PALM2AKAP2: variants seen among roughly 807,000 people sequenced by gnomAD.
PALM2AKAP2 encodes the protein PALM2 and AKAP2 fusion.
In PALM2AKAP2, 37 loss-of-function variants were observed where a neutral mutation model predicts 71.5. That is an observed-to-expected ratio of 0.52 (90% CI 0.40 to 0.68). PALM2AKAP2 has a LOEUF of 0.68. Among genes scored for constraint, PALM2AKAP2 ranks in the 30% least tolerant of loss-of-function variants. The probability of loss-of-function intolerance (pLI) is 0.00; values close to 1 mark genes in which losing one functional copy is unlikely to be tolerated. For synonymous variants in PALM2AKAP2, 468 were observed against 478.8 expected (o/e 0.98, Z 0.29); for missense variants, 1,224 against 1,191.8 (o/e 1.03, Z -0.40).
intron 1 of PALM2AKAP2, among the ~76,000 whole-genome samples, chr9:109,763,845 G>A (rs1407188058): frequency 6.6e-6 from 1 of 152,150 alleles, no homozygotes; most frequent in Non-Finnish European, 1.5e-5. Flanking sequence ...CTGTCTCCAT[G>A]TGGCCTTCCC....
At chr9:109,807,417 C>T (rs1037534307) in intron 1 of PALM2AKAP2, among the ~76,000 whole-genome samples, 7 of 152,110 alleles carry the variant, frequency 4.6e-5, no homozygotes, top group Non-Finnish European at 7.4e-5. Context: ...ACTTATTTCT[C>T]ATAGTTTTGG....
chr9:109,985,630 A>G (rs922308240), intron 6 of PALM2AKAP2, among the ~76,000 whole-genome samples: 1 of 150,736 alleles, frequency 6.6e-6, no homozygotes, highest in African/African-American at 2.4e-5. Context: ...AAAAAAAAAA[A>G]AAACTGTCTT....
intron 7 of PALM2AKAP2, among the ~76,000 whole-genome samples, chr9:110,035,812 CAT>C (rs367943570): frequency 8.4e-5 from 11 of 131,092 alleles, no homozygotes; most frequent in South Asian, 5.2e-4. Context: ...TTATATGTAA[CAT>C]ATATATGATA....
chr9:110,135,599 TCAA>T (rs1835845596), intron 1 of PALM2AKAP2, among the ~76,000 whole-genome samples: 1 of 152,286 alleles, frequency 6.6e-6, no homozygotes, highest in Non-Finnish European at 1.5e-5. Context: ...AGGCACATGG[TCAA>T]TTACAGCCAT....
At chr9:109,665,977 G>T (rs1399926931) in intron 1 of PALM2AKAP2, among the ~76,000 whole-genome samples, 1 of 152,244 alleles carries the variant, frequency 6.6e-6, no homozygotes, top group East Asian at 1.9e-4. Flanking sequence ...AGGCTCCATG[G>T]GTGTGGGAGG....
intron 1 of PALM2AKAP2, among the ~76,000 whole-genome samples, chr9:109,833,900 G>A (rs1828379177): frequency 6.6e-6 from 1 of 152,202 alleles, no homozygotes; most frequent in African/African-American, 2.4e-5. Context: ...TTCCCTCCAA[G>A]GGGCATGCTT....
chr9:109,690,626 C>G (rs1280639505), intron 1 of PALM2AKAP2, among the ~76,000 whole-genome samples: 1 of 152,148 alleles, frequency 6.6e-6, no homozygotes, highest in Non-Finnish European at 1.5e-5. Flanking sequence ...TGATTTTTCC[C>G]TCTTCAAACT....
At chr9:109,704,838 T>C (rs965320566) in intron 1 of PALM2AKAP2, among the ~76,000 whole-genome samples, 2 of 152,174 alleles carry the variant, frequency 1.3e-5, no homozygotes, top group African/African-American at 4.8e-5. Flanking sequence ...ACACATCTTC[T>C]CTCCATTTCT....
intron 1 of PALM2AKAP2, among the ~76,000 whole-genome samples, chr9:110,061,573 C>A (rs1833965365): frequency 6.7e-6 from 1 of 150,046 alleles, no homozygotes; most frequent in Admixed American, 6.7e-5. Context: ...ATATTTAACC[C>A]CCGTAACAAC....
intron 2 of PALM2AKAP2, among the ~76,000 whole-genome samples, chr9:109,868,398 C>G (rs887464870): frequency 2.6e-5 from 4 of 152,174 alleles, no homozygotes; most frequent in African/African-American, 9.7e-5. Context: ...TTTGACTGCT[C>G]CTGGGCTTTT....
intron 6 of PALM2AKAP2, among the ~76,000 whole-genome samples, chr9:109,985,170 C>T (rs12003930): frequency 0.029 from 4,452 of 151,742 alleles, 117 homozygotes; most frequent in East Asian, 0.13. Flanking sequence ...AGCAAGACTC[C>T]GTCTCAAAAA....
intron 1 of PALM2AKAP2, among the ~76,000 whole-genome samples, chr9:109,790,325 C>G (rs72753012): frequency 9.1e-4 from 138 of 151,772 alleles, no homozygotes; most frequent in Non-Finnish European, 1.6e-3. Context: ...ACTTACTATT[C>G]TAGGTGGGTG....
chr9:110,115,434 C>T (rs764816218), intron 1 of PALM2AKAP2, among the ~76,000 whole-genome samples: 4 of 152,156 alleles, frequency 2.6e-5, no homozygotes, highest in African/African-American at 4.8e-5. Flanking sequence ...GAAAAATTAG[C>T]GGCCCTGGCT....
chr9:110,129,405 C>A (rs140595321), intron 1 of PALM2AKAP2, among the ~76,000 whole-genome samples: 64 of 152,318 alleles, frequency 4.2e-4, no homozygotes, highest in African/African-American at 1.5e-3. Flanking sequence ...ATTGAGACTC[C>A]ATTTTGATGT....
At chr9:110,137,626 T>C (rs752005706) in exon 2 of PALM2AKAP2, 2 of 1,614,142 alleles carry the variant, frequency 1.2e-6, no homozygotes, top group Admixed American at 1.7e-5. Context: ...GATCTGTCAA[T>C]GTCTCCTTGA....
chr9:109,991,748 C>T (rs963682833), intron 6 of PALM2AKAP2, among the ~76,000 whole-genome samples: 1 of 152,134 alleles, frequency 6.6e-6, no homozygotes, highest in Non-Finnish European at 1.5e-5. Context: ...TCTATGGCTG[C>T]AGACATCAGG....
At chr9:109,696,371 A>G (rs1306209842) in intron 1 of PALM2AKAP2, among the ~76,000 whole-genome samples, 1 of 152,242 alleles carries the variant, frequency 6.6e-6, no homozygotes, top group African/African-American at 2.4e-5. Context: ...TAGTAAGAGA[A>G]ATGTGAATTA....
chr9:109,697,731 T>TA (rs1827993412), intron 1 of PALM2AKAP2, among the ~76,000 whole-genome samples: 1 of 152,202 alleles, frequency 6.6e-6, no homozygotes, highest in African/African-American at 2.4e-5. Context: ...TATCTATATC[T>TA]TAAGAATTAT....
intron 1 of PALM2AKAP2, among the ~76,000 whole-genome samples, chr9:109,857,724 G>A (rs889972046): frequency 6.6e-6 from 1 of 152,186 alleles, no homozygotes; most frequent in Admixed American, 6.5e-5. Context: ...TAGCTCAAGG[G>A]CACTTCCCTT....
Sources: allele counts gnomAD v4.1 joint callset (sites outside exome capture counted in the v4.1 genomes callset), GRCh38; gene constraint gnomAD v4.1.1; transcripts MANE v1.5; gene names NCBI Gene and HGNC (gene_info 2026-07-23, HGNC 2026-07-21).